The following NRXN3 variants were observed in gnomAD, a reference collection of about 807,000 sequenced individuals.
The protein encoded by NRXN3 is neurexin III.
In NRXN3, 32 loss-of-function variants were observed where a neutral mutation model predicts 137.6. That is an observed-to-expected ratio of 0.23 (90% CI 0.18 to 0.31). The LOEUF (loss-of-function observed/expected upper bound fraction) is 0.31. NRXN3 is among the 10% of genes least tolerant of loss of function. The pLI, the probability that NRXN3 is intolerant of heterozygous loss-of-function variation, is 1.00. For synonymous variants in NRXN3, 798 were observed against 784.5 expected, an observed-to-expected ratio of 1.02 and a Z score of -0.29; for missense variants, 1,574 against 2,062.5, an observed-to-expected ratio of 0.76 and a Z score of 4.59.
chr14:79,302,539 G>A (rs778673123), intron 15 of NRXN3, among the ~76,000 whole-genome samples: 2 of 151,862 alleles, frequency 1.3e-5, no homozygotes, highest in Non-Finnish European at 2.9e-5. Flanking sequence ...AATATTTCAA[G>A]GAGGGCATGA....
intron 16 of NRXN3, among the ~76,000 whole-genome samples, chr14:79,532,953 A>G (rs543225616): frequency 9.9e-4 from 151 of 152,290 alleles, no homozygotes; most frequent in African/African-American, 3.5e-3. Context: ...TAGGAACCTA[A>G]ATTCTATTCC....
chr14:78,422,100 T>C (rs1021884083), intron 4 of NRXN3, among the ~76,000 whole-genome samples: 1 of 152,136 alleles, frequency 6.6e-6, no homozygotes, highest in African/African-American at 2.4e-5. Context: ...GGAGAAGTGA[T>C]GTGTGCTGTG....
At chr14:78,854,709 A>G (rs1342029377) in intron 10 of NRXN3, among the ~76,000 whole-genome samples, 1 of 152,192 alleles carries the variant, frequency 6.6e-6, no homozygotes, top group Non-Finnish European at 1.5e-5. Context: ...TTCCTGGCTA[A>G]GAAGTCCTTG....
intron 19 of NRXN3, among the ~76,000 whole-genome samples, chr14:79,704,580 A>G (rs1279711856): frequency 1.3e-5 from 2 of 152,078 alleles, no homozygotes; most frequent in African/African-American, 4.8e-5. Flanking sequence ...GGGCTCAACT[A>G]ATATTGATTA....
intron 15 of NRXN3, among the ~76,000 whole-genome samples, chr14:79,020,992 G>A (rs895119392): frequency 1.3e-5 from 2 of 152,062 alleles, no homozygotes; most frequent in Non-Finnish European, 2.9e-5. Flanking sequence ...GTTTAGATGT[G>A]TGATCTTTAC....
At chr14:78,183,884 G>A (rs1009891999) in intron 1 of NRXN3, among the ~76,000 whole-genome samples, 1 of 152,180 alleles carries the variant, frequency 6.6e-6, no homozygotes, top group East Asian at 1.9e-4. Context: ...AGGTGGGGAA[G>A]CTTTCTCCAA....
chr14:78,637,871 A>G (rs74648254), intron 4 of NRXN3, among the ~76,000 whole-genome samples: 1,910 of 152,344 alleles, frequency 0.013, 43 homozygotes, highest in African/African-American at 0.044. Context: ...ACTTAAGTGC[A>G]TTCAGCACTG....
intron 8 of NRXN3, among the ~76,000 whole-genome samples, chr14:78,798,845 C>T (rs939179157): frequency 5.3e-5 from 8 of 152,216 alleles, no homozygotes; most frequent in Non-Finnish European, 8.8e-5. Flanking sequence ...TCTGAAGCCA[C>T]GGCCTGAGCT....
Position 78,251,629 on chromosome 14 carries a change from C to T in NRXN3, c.709+7827C>T, listed in dbSNP as rs28414746. On this transcript the variant is annotated intron_variant, in intron 2 of 20. Coordinates refer to ENST00000335750, the MANE Select transcript of NRXN3 (RefSeq NM_001330195.2). ...CTACTTCATAACCACCATAGGTGGA[C>T]GAATCAGAGCTAGGGAGTACAGGAG... Among the ~76,000 whole-genome samples the T allele has an allele frequency of 3.9e-3, 600 of 152,052 alleles. 5 individuals are homozygous for T. Among genetic ancestry groups the T allele is most frequent in the African/African-American group, 0.014 (561 of 41,442 alleles).
chr14:79,205,299 C>T (rs1013194863), intron 15 of NRXN3, among the ~76,000 whole-genome samples: 1 of 152,072 alleles, frequency 6.6e-6, no homozygotes, highest in African/African-American at 2.4e-5. Flanking sequence ...TTGTATTTTT[C>T]AATTCTAATT....
intron 15 of NRXN3, among the ~76,000 whole-genome samples, chr14:79,302,059 T>A (rs1372386211): frequency 6.6e-6 from 1 of 152,030 alleles, no homozygotes; most frequent in Non-Finnish European, 1.5e-5. Flanking sequence ...AATGTCAGCA[T>A]GCATGGGTGT....
chr14:78,955,624 C>G (rs2099395515), intron 10 of NRXN3, among the ~76,000 whole-genome samples: 1 of 152,068 alleles, frequency 6.6e-6, no homozygotes, highest in African/African-American at 2.4e-5. Flanking sequence ...TGCCCTTGAG[C>G]TTTGGGTGCA....
chr14:79,713,164 CTTTTTTTTTTTTTTTT>C (rs574716352), intron 19 of NRXN3, among the ~76,000 whole-genome samples: 30 of 80,892 alleles, frequency 3.7e-4, no homozygotes, highest in African/African-American at 1.5e-3. Context: ...CTGATTTTTA[CTTTTTTTTTTTTTTTT>C]TTTTTTTTTT....
intron 4 of NRXN3, among the ~76,000 whole-genome samples, chr14:78,608,532 C>A (rs1384551871): frequency 6.6e-6 from 1 of 152,156 alleles, no homozygotes; most frequent in Non-Finnish European, 1.5e-5. Context: ...GTTTAGGAAT[C>A]CTGGTACAGG....
At chr14:78,660,749 G>A (rs990274271) in intron 6 of NRXN3, among the ~76,000 whole-genome samples, 1 of 152,172 alleles carries the variant, frequency 6.6e-6, no homozygotes, top group African/African-American at 2.4e-5. Flanking sequence ...ACTTATGGTT[G>A]AATAATGTAC....
rs548157017 is a variant in NRXN3, at chr14:79,685,229, C to A, written c.3617-6944C>A. ...ACAGATTTGCAACATGCTTTATATA[C>A]ATTTCCTTTTAATTCTCACCGCAAT... On this transcript the variant is annotated intron_variant, in intron 17 of 20. Coordinates refer to ENST00000335750, the MANE Select transcript of NRXN3 (RefSeq NM_001330195.2). Among the ~76,000 whole-genome samples the A allele has an allele frequency of 5.9e-5, 9 of 152,242 alleles. No individual in the cohort carries two copies. The East Asian group carries it at 1.7e-3, about 29-fold the overall frequency.
intron 17 of NRXN3, among the ~76,000 whole-genome samples, chr14:79,664,716 C>T (rs1603390643): frequency 1.3e-5 from 2 of 152,128 alleles, no homozygotes; most frequent in South Asian, 2.1e-4. Flanking sequence ...TCCCTCTTGC[C>T]TCTCACTTCT....
intron 10 of NRXN3, among the ~76,000 whole-genome samples, chr14:78,930,500 A>G (rs1156520839): frequency 6.6e-6 from 1 of 152,212 alleles, no homozygotes; most frequent in African/African-American, 2.4e-5. Context: ...TTGTGCTCTC[A>G]AGTCTGGTGG....
At chr14:79,853,611 C>T (rs1450822987) in intron 20 of NRXN3, 3 of 1,351,098 alleles carry the variant, frequency 2.2e-6, no homozygotes, top group South Asian at 1.1e-5. Flanking sequence ...TACACATTTA[C>T]TCCTATCATC....
Sources: gnomAD v4.1 joint callset for allele counts (sites outside exome capture counted in the v4.1 genomes callset) on GRCh38, gnomAD v4.1.1 for gene constraint, MANE v1.5 for transcripts, NCBI Gene and HGNC (gene_info 2026-07-23, HGNC 2026-07-21) for gene names.